The following EYA1 variants were observed in gnomAD, a reference collection of about 807,000 sequenced individuals.
EYA1 encodes the protein EYA transcriptional coactivator and phosphatase 1, also known as protein phosphatase EYA1.
EYA1 carries 16 observed loss-of-function variants against 82.0 expected under a neutral mutation model. That is an observed-to-expected ratio of 0.20 (90% confidence interval 0.13 to 0.30). The LOEUF (loss-of-function observed/expected upper bound fraction) is 0.30. Among genes scored for constraint, EYA1 ranks in the 10% least tolerant of loss-of-function variants. The pLI is 1.00. For missense variants in EYA1, 633 were observed against 730.7 expected, an observed-to-expected ratio of 0.87 and a Z score of 1.54; for synonymous variants, 261 against 264.4, an observed-to-expected ratio of 0.99 and a Z score of 0.12.
At chr8:71,256,931 G>A (rs1324107922) in intron 11 of EYA1, among the ~76,000 whole-genome samples, 4 of 151,848 alleles carry the variant, frequency 2.6e-5, no homozygotes, top group East Asian at 1.9e-4. Context: ...CCCGGGAGAC[G>A]GAGGTTGCAG....
intron 2 of EYA1, among the ~76,000 whole-genome samples, chr8:71,487,845 A>C (rs1563664987): frequency 6.6e-6 from 1 of 152,244 alleles, no homozygotes; most frequent in Non-Finnish European, 1.5e-5. Context: ...ACATGGAGCA[A>C]TTGGAAAGCT....
intron 2 of EYA1, among the ~76,000 whole-genome samples, chr8:71,464,555 T>G (rs1808640099): frequency 2.0e-5 from 3 of 152,228 alleles, no homozygotes; most frequent in African/African-American, 7.2e-5. Context: ...AGAAAATATT[T>G]AGAATACATT....
At chr8:71,312,005 A>G (rs558665940) in intron 7 of EYA1, among the ~76,000 whole-genome samples, 1 of 152,326 alleles carries the variant, frequency 6.6e-6, no homozygotes, top group Non-Finnish European at 1.5e-5. Flanking sequence ...GAGGGCACCA[A>G]GTAAGGCTGG....
At chr8:71,472,878 T>A (rs1343351676) in intron 2 of EYA1, among the ~76,000 whole-genome samples, 2 of 150,690 alleles carry the variant, frequency 1.3e-5, no homozygotes, top group African/African-American at 2.4e-5. Context: ...CCTTACTGTC[T>A]AGACAGACAA....
At chr8:71,248,250 C>A (rs1470039545) in intron 11 of EYA1, among the ~76,000 whole-genome samples, 1 of 152,206 alleles carries the variant, frequency 6.6e-6, no homozygotes, top group Non-Finnish European at 1.5e-5. Context: ...GAAACATTTA[C>A]TACACCAACA....
At chr8:71,441,487 C>T (rs557673974) in intron 2 of EYA1, among the ~76,000 whole-genome samples, 1 of 152,272 alleles carries the variant, frequency 6.6e-6, no homozygotes, top group South Asian at 2.1e-4. Flanking sequence ...CTATCTGTCT[C>T]CCATAGAAAT....
rs1386417817 is a variant in EYA1 at position 71,303,851 on chromosome 8, A to G, written c.557-4131T>C. Among the ~76,000 whole-genome samples, 3 of 142,728 alleles carry G rather than the reference A, an allele frequency of 2.1e-5. 1 individual carries two copies. The highest frequency in any genetic ancestry group is 7.0e-5 in the Admixed American group (1 of 14,340). The allele number at this position is 142,728 out of a possible 152,430, so 93.6% of individuals were successfully genotyped here. A position where few individuals can be genotyped will look rare whatever the true frequency, so the allele number is the denominator to read the frequency against. Reference sequence around the variant, plus strand: ...ACAACAACTTGATACTACAGGGTGTATGATCATTCCCATTTTGCAGATAAG... The same window carrying G: ...ACAACAACTTGATACTACAGGGTGTGTGATCATTCCCATTTTGCAGATAAG... On this transcript the variant is annotated intron_variant, in intron 7 of 17. Transcript: ENST00000340726.
intron 12 of EYA1, among the ~76,000 whole-genome samples, chr8:71,244,273 A>G (rs542593854): frequency 1.6e-4 from 25 of 152,366 alleles, no homozygotes; most frequent in African/African-American, 6.0e-4. Flanking sequence ...CTGACATAAC[A>G]TATGCAAGTG....
chr8:71,227,395 C>G (rs930231159), intron 12 of EYA1, among the ~76,000 whole-genome samples: 3 of 152,120 alleles, frequency 2.0e-5, no homozygotes, highest in African/African-American at 7.2e-5. Context: ...ATAGTGACAG[C>G]AACTCTAGGC....
rs187601168 is a variant in EYA1, at chr8:71,294,622, G to T, written c.826+4425C>A. Reference sequence around the variant, plus strand: ...ATAAATAAATGGAGAGATATTCCATGCATATGGATAGATTCAATATTGTCA... The same window carrying T: ...ATAAATAAATGGAGAGATATTCCATTCATATGGATAGATTCAATATTGTCA... On this transcript the variant is annotated intron_variant, in intron 9 of 17. Coordinates refer to ENST00000340726, the MANE Select transcript of EYA1 (RefSeq NM_000503.6). 1.1e-3 allele frequency among the ~76,000 whole-genome samples: 175 copies of T among 152,318 alleles called. 1 individual carries two copies. The highest frequency in any genetic ancestry group is 3.7e-3 in the African/African-American group (154 of 41,580).
At chr8:71,257,941 T>C (rs1408017765) in intron 11 of EYA1, among the ~76,000 whole-genome samples, 3 of 152,150 alleles carry the variant, frequency 2.0e-5, no homozygotes, top group Admixed American at 6.5e-5. Context: ...TCTGACATCC[T>C]ATTACTGGCT....
chr8:71,455,039 G>A (rs1357145201), intron 2 of EYA1, among the ~76,000 whole-genome samples: 1 of 152,052 alleles, frequency 6.6e-6, no homozygotes, highest in Non-Finnish European at 1.5e-5. Context: ...AAAGAGAGAA[G>A]CATCAAAAAG....
intron 7 of EYA1, among the ~76,000 whole-genome samples, chr8:71,307,246 T>C (rs1820826790): frequency 1.3e-5 from 2 of 152,088 alleles, no homozygotes; most frequent in Admixed American, 1.3e-4. Context: ...TGAGCTTATT[T>C]CTCAGACTTT....
At chr8:71,427,468 T>A (rs1267404411) in intron 2 of EYA1, among the ~76,000 whole-genome samples, 1 of 152,150 alleles carries the variant, frequency 6.6e-6, no homozygotes, top group South Asian at 2.1e-4. Flanking sequence ...TTAAGGAAAG[T>A]CCATTCAGAG....
chr8:71,376,724 A>G (rs923311099), intron 2 of EYA1, among the ~76,000 whole-genome samples: 1 of 152,212 alleles, frequency 6.6e-6, no homozygotes, highest in Non-Finnish European at 1.5e-5. Flanking sequence ...AAGAAACACC[A>G]GTGATTTGAC....
At chr8:71,264,344 C>T (rs1470979754) in intron 11 of EYA1, among the ~76,000 whole-genome samples, 3 of 152,168 alleles carry the variant, frequency 2.0e-5, no homozygotes, top group Admixed American at 6.6e-5. Flanking sequence ...AAACTGCTTT[C>T]AGTTTTTCTT....
upstream of EYA1, among the ~76,000 whole-genome samples, chr8:71,362,763 CTCTT>C (rs1413396364): frequency 6.6e-6 from 1 of 152,082 alleles, no homozygotes; most frequent in Non-Finnish European, 1.5e-5. Context: ...TTATCTAGAA[CTCTT>C]TCTTTACAGC....
At chr8:71,254,754 G>A (rs888957281) in intron 11 of EYA1, among the ~76,000 whole-genome samples, 3 of 152,088 alleles carry the variant, frequency 2.0e-5, no homozygotes, top group African/African-American at 4.8e-5. Flanking sequence ...AATAAAAGGC[G>A]TCAAAGTTGT....
chr8:71,261,024 G>C (rs1191494928), intron 11 of EYA1, among the ~76,000 whole-genome samples: 1 of 152,096 alleles, frequency 6.6e-6, no homozygotes, highest in Non-Finnish European at 1.5e-5. Flanking sequence ...TGAAAAACAG[G>C]AATGAGCACT....
Sources: allele counts gnomAD v4.1 joint callset (sites outside exome capture counted in the v4.1 genomes callset), GRCh38; gene constraint gnomAD v4.1.1; transcripts MANE v1.5; gene names NCBI Gene and HGNC (gene_info 2026-07-23, HGNC 2026-07-21).